Variants in CAMK2D observed in about 807,000 individuals in gnomAD.
CAMK2D encodes the protein calcium/calmodulin-dependent protein kinase type II subunit delta.
A neutral mutation model predicts 84.0 loss-of-function variants in CAMK2D; 37 were observed. The observed-to-expected ratio is 0.44, with a 90% CI of 0.34 to 0.58. CAMK2D has a LOEUF of 0.58. Among genes scored for constraint, CAMK2D ranks in the 20% least tolerant of loss-of-function variants. The pLI is 0.02. For missense variants in CAMK2D, 448 were observed against 652.5 expected, an observed-to-expected ratio of 0.69 and a Z score of 3.41; for synonymous variants, 202 against 212.5, an observed-to-expected ratio of 0.95 and a Z score of 0.43.
intron 2 of CAMK2D, among the ~76,000 whole-genome samples, chr4:113,732,123 CT>C (rs1048918168): frequency 6.3e-4 from 92 of 145,034 alleles, no homozygotes; most frequent in South Asian, 1.5e-3. Context: ...AGCACTCCTT[CT>C]TTTTTTTTTT....
intron 4 of CAMK2D, among the ~76,000 whole-genome samples, chr4:113,556,653 C>A (rs191725284): frequency 2.0e-5 from 3 of 152,294 alleles, no homozygotes; most frequent in Admixed American, 2.0e-4. Flanking sequence ...GCGTGCCAAC[C>A]AGTGTGCCAA....
chr4:113,598,998 G>GA (rs1198515902), intron 4 of CAMK2D, among the ~76,000 whole-genome samples: 1 of 152,094 alleles, frequency 6.6e-6, no homozygotes, highest in Non-Finnish European at 1.5e-5. Flanking sequence ...AAAAATGGAT[G>GA]AAAAACCTGA....
chr4:113,709,189 A>C (rs532754507), intron 2 of CAMK2D, among the ~76,000 whole-genome samples: 11 of 102,732 alleles, frequency 1.1e-4, no homozygotes, highest in African/African-American at 4.3e-4. Flanking sequence ...AATAAATTAC[A>C]TTCTCTCAAA....
At chr4:113,688,910 C>CAAAAAAAAA (rs34196728) in intron 2 of CAMK2D, among the ~76,000 whole-genome samples, 2 of 49,712 alleles carry the variant, frequency 4.0e-5, no homozygotes, top group Non-Finnish European at 7.4e-5. Context: ...AAAGAAGATG[C>CAAAAAAAAA]AAAAAAAAAA....
At chr4:113,554,106 A>G (rs1312534713) in intron 4 of CAMK2D, among the ~76,000 whole-genome samples, 3 of 152,120 alleles carry the variant, frequency 2.0e-5, no homozygotes, top group Admixed American at 2.0e-4. Context: ...GGCTCCTTAA[A>G]CATGTTATTT....
chr4:113,719,658 A>G (rs961303338), intron 2 of CAMK2D, among the ~76,000 whole-genome samples: 31 of 152,214 alleles, frequency 2.0e-4, no homozygotes, highest in African/African-American at 6.8e-4. Context: ...AGCTAACTCT[A>G]AAAATTTAAG....
chr4:113,632,078 A>G (rs894659133), intron 3 of CAMK2D, among the ~76,000 whole-genome samples: 6 of 152,178 alleles, frequency 3.9e-5, no homozygotes, highest in African/African-American at 1.4e-4. Context: ...GGCTAACAAT[A>G]CTTGCTATCA....
intron 16 of CAMK2D, among the ~76,000 whole-genome samples, chr4:113,495,915 C>A (rs891647974): frequency 1.3e-5 from 2 of 152,036 alleles, no homozygotes; most frequent in African/African-American, 4.8e-5. Flanking sequence ...CATACAGGAG[C>A]CCAACTTCAA....
chr4:113,609,337 G>A (rs185119230), intron 3 of CAMK2D, 131 bp from the exon 4 acceptor site: 17 of 608,592 alleles, frequency 2.8e-5, no homozygotes, highest in Admixed American at 1.0e-4. Context: ...CCTTTGATAC[G>A]TCCGTATCTT....
intron 16 of CAMK2D, among the ~76,000 whole-genome samples, chr4:113,470,411 C>T (rs1344234343): frequency 6.6e-6 from 1 of 152,036 alleles, no homozygotes; most frequent in African/African-American, 2.4e-5. Flanking sequence ...TTGGAGAGGC[C>T]GAGGCGGGTG....
intron 4 of CAMK2D, among the ~76,000 whole-genome samples, chr4:113,585,699 T>C (rs2098830912): frequency 6.8e-6 from 1 of 146,712 alleles, no homozygotes; most frequent in Non-Finnish European, 1.5e-5. Flanking sequence ...GGTTAGTGTA[T>C]ATATAGATTA....
chr4:113,663,064 C>A (rs905188205), intron 2 of CAMK2D, among the ~76,000 whole-genome samples: 1 of 151,994 alleles, frequency 6.6e-6, no homozygotes, highest in Non-Finnish European at 1.5e-5. Context: ...ATCTGGATTC[C>A]CAAATACAAA....
chr4:113,476,443 G>A (rs2097621442), intron 16 of CAMK2D, among the ~76,000 whole-genome samples: 1 of 151,920 alleles, frequency 6.6e-6, no homozygotes, highest in African/African-American at 2.4e-5. Context: ...AACCTCACAA[G>A]CTAACTGCCC....
chr4:113,533,723 A>G (rs2098472395), intron 7 of CAMK2D, among the ~76,000 whole-genome samples: 1 of 151,884 alleles, frequency 6.6e-6, no homozygotes, highest in African/African-American at 2.4e-5. Flanking sequence ...GTCCAGTTCC[A>G]TAAGAGAAAC....
chr4:113,493,255 A>T (rs1369837983), intron 16 of CAMK2D, among the ~76,000 whole-genome samples: 22 of 151,746 alleles, frequency 1.4e-4, no homozygotes, highest in East Asian at 3.9e-4. Flanking sequence ...CTTTACATTT[A>T]GGCATGATTT....
intron 5 of CAMK2D, among the ~76,000 whole-genome samples, chr4:113,550,752 GACCCTAATGT>G (rs2098621361): frequency 6.6e-6 from 1 of 152,140 alleles, no homozygotes; most frequent in African/African-American, 2.4e-5. Context: ...CCCCTTTCAG[GACCCTAATGT>G]GGGGATTTGG....
intron 15 of CAMK2D, among the ~76,000 whole-genome samples, chr4:113,502,300 ACCCCTG>A (rs2098058921): frequency 6.6e-6 from 1 of 151,906 alleles, no homozygotes; most frequent in Non-Finnish European, 1.5e-5. Flanking sequence ...AAGTAGTTAA[ACCCCTG>A]TTACTGGAAT....
At chr4:113,726,530 C>T (rs764969363) in intron 2 of CAMK2D, among the ~76,000 whole-genome samples, 1 of 151,694 alleles carries the variant, frequency 6.6e-6, no homozygotes, top group Non-Finnish European at 1.5e-5. Context: ...TACAGGCACA[C>T]ATTACCATGC....
chr4:113,512,804 C>A (rs2098233181), intron 12 of CAMK2D, among the ~76,000 whole-genome samples: 1 of 152,184 alleles, frequency 6.6e-6, no homozygotes, highest in Admixed American at 6.5e-5. Flanking sequence ...ATCTCTTGAC[C>A]TTGTGATCCA....
Sources: allele counts gnomAD v4.1 joint callset (sites outside exome capture counted in the v4.1 genomes callset), GRCh38; gene constraint gnomAD v4.1.1; transcripts MANE v1.5; gene names NCBI Gene and HGNC (gene_info 2026-07-23, HGNC 2026-07-21).